Variants in TBC1D9B observed in about 807,000 individuals in gnomAD.
TBC1D9B encodes the protein TBC1 domain family member 9B, also known as TBC1 domain family, member 9B (with GRAM domain).
A neutral mutation model predicts 121.1 loss-of-function variants in TBC1D9B; 87 were observed. The observed-to-expected ratio is 0.72, with a 90% CI of 0.60 to 0.86. TBC1D9B has a LOEUF of 0.86. TBC1D9B is among the 40% of genes least tolerant of loss of function. The pLI, the probability that TBC1D9B is intolerant of heterozygous loss-of-function variation, is 0.00. For missense variants in TBC1D9B, 1,540 were observed against 1,628.6 expected, an observed-to-expected ratio of 0.95 and a Z score of 0.94; for synonymous variants, 668 against 670.1, an observed-to-expected ratio of 1.00 and a Z score of 0.05.
At chr5:179,897,196 TGCGCCTGG>T in intron 3 of TBC1D9B, among the ~76,000 whole-genome samples, 1 of 152,126 alleles carries the variant, frequency 6.6e-6, no homozygotes, top group Non-Finnish European at 1.5e-5. Flanking sequence ...CATAAGCCAC[TGCGCCTGG>T]CCCATCCTTC....
intron 3 of TBC1D9B, among the ~76,000 whole-genome samples, chr5:179,897,166 A>C (rs879757985): frequency 1.3e-5 from 2 of 151,514 alleles, no homozygotes; most frequent in Non-Finnish European, 1.5e-5. Context: ...CTCGGCCTCC[A>C]AAAGTGCTGG....
At chr5:179,900,202 C>A (rs1039412208) in intron 2 of TBC1D9B, among the ~76,000 whole-genome samples, 3 of 152,106 alleles carry the variant, frequency 2.0e-5, no homozygotes, top group African/African-American at 7.2e-5. Context: ...TCTCAAAAAA[C>A]AAAACAACAC....
chr5:179,866,616 C>T (rs1271797691), intron 18 of TBC1D9B: 5 of 152,412 alleles, frequency 3.3e-5, no homozygotes, highest in African/African-American at 1.2e-4. Flanking sequence ...CTGGGGGCCA[C>T]ATGCGGTCTG....
In TBC1D9B at chr5:179,885,386, TC is replaced by T. The variant is rs978384233; in HGVS notation, c.1254+2716del. ...AGGTGGATCGCCTGAGGTCAGGAGT[TC>T]AAGACCAGACTGGCCAACATGGCAA... is the stretch of plus-strand genomic sequence containing the variant. On this transcript the variant is annotated intron_variant, in intron 7 of 20. Coordinates refer to ENST00000355235, the MANE Select transcript of TBC1D9B (RefSeq NM_015043.4). This position sits in a 1 kb window ranked among gnomAD's most constrained non-coding sequence, Gnocchi z 4.5. Among the ~76,000 whole-genome samples the T allele has an allele frequency of 1.3e-5, 2 of 151,644 alleles. No individual in the cohort carries two copies. Among genetic ancestry groups the T allele is most frequent in the Admixed American group, 6.6e-5 (1 of 15,232 alleles).
At position 179,890,329 on chromosome 5, in the gene TBC1D9B, C is replaced by T. The variant is rs534135467; in HGVS notation, c.1044+1050G>A. ...CTGCTCCCCGAGCTCCGCCAGGGCT[C>T]TCTACCATCTGAGATGTCAAGGGCC... On this transcript the variant is annotated intron_variant, in intron 6 of 20. Coordinates refer to ENST00000355235, the MANE Select transcript of TBC1D9B (RefSeq NM_015043.4). This position sits in a 1 kb window ranked among gnomAD's most constrained non-coding sequence, Gnocchi z 5.0. 1.4e-4 allele frequency among the ~76,000 whole-genome samples: 21 copies of T among 152,308 alleles called. No homozygotes were observed. The highest frequency in any genetic ancestry group is 5.1e-4 in the African/African-American group (21 of 41,572).
chr5:179,888,116 T>TTGTGTGTTGTGGAAAG lies in TBC1D9B; in HGVS notation c.1240_1241insCTTTCCACAACACACA (p.Asp414AlafsTer8). ...GGGGCTTCTCACCTCTGTGCTAGGGTCCACAACACTGGCTTTCCTGCTCCC... is the reference window on the plus strand; with the variant it reads ...GGGGCTTCTCACCTCTGTGCTAGGGTTGTGTGTTGTGGAAAGCCACAACACTGGCTTTCCTGCTCCC... On this transcript the variant is annotated frameshift_variant, in exon 7 of 21. Transcript: ENST00000355235. LOFTEE classifies it high-confidence loss of function. 1 of 1,613,524 alleles carries TTGTGTGTTGTGGAAAG rather than the reference T, an allele frequency of 6.2e-7. No homozygotes were observed. The highest frequency in any genetic ancestry group is 1.1e-5 in the South Asian group (1 of 91,038).
At position 179,907,735 on chromosome 5, in the gene TBC1D9B, G is replaced by A. The variant is rs370440182; in HGVS notation, c.87C>T (p.Arg29=). The A allele has an allele frequency of 4.8e-5, 57 of 1,191,084 alleles. No individual in the cohort carries two copies. In the African/African-American group the frequency reaches 8.7e-4, roughly 18 times the overall value. 73.8% of individuals were successfully genotyped at this position (1,191,084 alleles called of 1,614,324 possible). ...GGCCGCCGCCCCTGCCGTGGCCCCG[G>A]CGTCGCTGCAGCACGAAGAAGGGGT... The part of the protein sequence containing the change: ...RANPFFVLQR[R]RGHGRGGGLT... The change falls in exon 1 of 21, where the codon CGC becomes CGT. Residue 29 remains arginine (R), a synonymous_variant. Coordinates refer to ENST00000355235, the MANE Select transcript of TBC1D9B (RefSeq NM_015043.4). This position sits in a 1 kb window ranked among gnomAD's most constrained non-coding sequence, Gnocchi z 5.3.
Position 179,865,136 on chromosome 5 carries a change from G to T in TBC1D9B, c.3021+118C>A. On this transcript the variant is annotated intron_variant, in intron 20 of 20. Coordinates refer to ENST00000355235, the MANE Select transcript of TBC1D9B (RefSeq NM_015043.4). This position sits in a 1 kb window ranked among gnomAD's most constrained non-coding sequence, Gnocchi z 5.1. The stretch of plus-strand genomic sequence containing the variant: ...CAACCAGGACTAACGGGCTCTAGAG[G>T]CAGGGAGGAGCCTTCCCACCCACCA... 1.1e-6 allele frequency: 1 copy of T among 934,212 alleles called. No homozygotes were observed. The allele number at this position is 934,212 out of a possible 1,614,324, so 57.9% of individuals were successfully genotyped here.
chr5:179,895,544 A>G (rs1283578009), intron 3 of TBC1D9B, among the ~76,000 whole-genome samples: 2 of 152,110 alleles, frequency 1.3e-5, no homozygotes, highest in African/African-American at 4.8e-5. Context: ...ATACTCCCTC[A>G]TGCTGCTGGC....
At chr5:179,896,570 T>G (rs1022152105) in intron 3 of TBC1D9B, among the ~76,000 whole-genome samples, 2 of 152,256 alleles carry the variant, frequency 1.3e-5, no homozygotes, top group Non-Finnish European at 1.5e-5. Flanking sequence ...TTGCCCAGGC[T>G]GGAATGCTGT....
chr5:179,883,979 TC>T (rs1760607889), intron 7 of TBC1D9B, among the ~76,000 whole-genome samples: 1 of 152,170 alleles, frequency 6.6e-6, no homozygotes, highest in South Asian at 2.1e-4. Context: ...CTAAAGCTTT[TC>T]TCCTTTACCC....
At chr5:179,872,225 G>A (rs1429355489) in intron 14 of TBC1D9B, 1 of 157,338 alleles carries the variant, frequency 6.4e-6, no homozygotes, top group Non-Finnish European at 1.4e-5. Context: ...GTCGCAGAGT[G>A]AGGGATACTC....
In TBC1D9B at chr5:179,870,430, G is replaced by C; in HGVS notation, c.2550C>G (p.Ser850Arg). ...TCCGGTACTGCTCCAGGTAGGGCAG[G>C]CTGGGGTCCCGACGGCCGGCCATTG... Reference protein sequence around the residue: ...SRTMAGRRDPSLPYLEQYRID... With the variant: ...SRTMAGRRDPRLPYLEQYRID... Residue 850 changes from serine to arginine, a missense_variant, in exon 16 of 21, where the codon AGC becomes AGG. Coordinates refer to ENST00000355235, the MANE Select transcript of TBC1D9B (RefSeq NM_015043.4). 6.2e-7 allele frequency: 1 copy of C among 1,613,422 alleles called. No individual in the cohort carries two copies. Among genetic ancestry groups the C allele is most frequent in the Non-Finnish European group, 8.5e-7 (1 of 1,180,010 alleles).
chr5:179,879,484 G>A (rs1490062426), intron 8 of TBC1D9B, 144 bp downstream of exon 8: 7 of 1,314,138 alleles, frequency 5.3e-6, no homozygotes, highest in Non-Finnish European at 7.4e-6. Context: ...TCCGTCTCAC[G>A]CTGCCAGGGT....
rs776702885 is a variant in TBC1D9B at position 179,885,481 on chromosome 5, C to A, written c.1254+2622G>T. ...GTGGACGCCTGTAATCCCAGCTACT[C>A]GGGAGGCTGAGGCAGGAGAATCACT... On this transcript the variant is annotated intron_variant, in intron 7 of 20. Transcript: ENST00000355235. The surrounding 1 kb of genome is among the most constrained non-coding windows in gnomAD (Gnocchi z 4.5). Among the ~76,000 whole-genome samples the A allele has an allele frequency of 1.3e-5, 2 of 151,620 alleles. No individual in the cohort carries two copies. Among genetic ancestry groups the A allele is most frequent in the African/African-American group, 4.8e-5 (2 of 41,252 alleles).
chr5:179,905,814 C>T (rs1466664656), intron 1 of TBC1D9B, among the ~76,000 whole-genome samples: 1 of 152,206 alleles, frequency 6.6e-6, no homozygotes, highest in East Asian at 1.9e-4. Context: ...TATTTTGTTA[C>T]CATTTTTCCT....
intron 9 of TBC1D9B, 46 bp downstream of exon 9, chr5:179,879,001 G>T: frequency 6.3e-7 from 1 of 1,587,692 alleles, no homozygotes; most frequent in South Asian, 1.1e-5. Flanking sequence ...AGAGCTTGGG[G>T]ACTGACTGGC....
intron 7 of TBC1D9B, among the ~76,000 whole-genome samples, chr5:179,886,571 C>G (rs1181389974): frequency 6.6e-6 from 1 of 152,232 alleles, no homozygotes; most frequent in Non-Finnish European, 1.5e-5. Context: ...CCCACCCCTT[C>G]CCATGCGCTC....
rs371337632 is a variant in TBC1D9B at position 179,879,004 on chromosome 5, T to A, written c.1567+43A>T. 78 of 1,589,084 alleles carry A rather than the reference T, an allele frequency of 4.9e-5. No individual in the cohort carries two copies. In the East Asian group the frequency reaches 4.9e-4, roughly 10 times the overall value. Reference sequence around the variant, plus strand: ...GCTCACACGGGGAGAGCTTGGGGACTGACTGGCTGAGCTGAGGCTGGGGGT... The same window carrying A: ...GCTCACACGGGGAGAGCTTGGGGACAGACTGGCTGAGCTGAGGCTGGGGGT... On this transcript the variant is annotated intron_variant, in intron 9 of 20. Coordinates refer to ENST00000355235, the MANE Select transcript of TBC1D9B (RefSeq NM_015043.4).
Sources: allele counts gnomAD v4.1 joint callset (sites outside exome capture counted in the v4.1 genomes callset), GRCh38; gene constraint gnomAD v4.1.1; non-coding constraint Gnocchi (gnomAD v3.1); transcripts MANE v1.5; gene names NCBI Gene and HGNC (gene_info 2026-07-23, HGNC 2026-07-21).